Variants in SMPD3 observed in about 807,000 individuals in gnomAD.
SMPD3 encodes the protein nSMase-2.
SMPD3 carries 21 observed loss-of-function variants against 55.7 expected under a neutral mutation model. The observed-to-expected ratio is 0.38, with a 90% CI of 0.27 to 0.54. SMPD3 has a LOEUF of 0.54. SMPD3 is among the 20% of genes least tolerant of loss of function. The probability of loss-of-function intolerance (pLI) is 0.80; values close to 1 mark genes in which losing one functional copy is unlikely to be tolerated. For missense variants in SMPD3, 842 were observed against 899.6 expected, an observed-to-expected ratio of 0.94 and a Z score of 0.82; for synonymous variants, 457 against 404.3, an observed-to-expected ratio of 1.13 and a Z score of -1.56.
intron 1 of SMPD3, among the ~76,000 whole-genome samples, chr16:68,408,128 A>G (rs1352766818): frequency 6.6e-6 from 1 of 152,248 alleles, no homozygotes; most frequent in Non-Finnish European, 1.5e-5. Flanking sequence ...AAAGGGAAAC[A>G]TAATTAATTA....
At chr16:68,362,100 T>G (rs2089305196) in intron 7 of SMPD3, among the ~76,000 whole-genome samples, 1 of 152,176 alleles carries the variant, frequency 6.6e-6, no homozygotes, top group South Asian at 2.1e-4. Flanking sequence ...GGGGCCTGTT[T>G]TGAGGAGCTT....
At position 68,370,909 on chromosome 16, in the gene SMPD3, T is replaced by G. The variant is rs747490746; in HGVS notation, c.1273A>C (p.Asn425His). ...IMDVAYHCYP[N>H]KCNDDALASK... Reference sequence around the variant, plus strand: ...GCCAGGGCATCGTCGTTACACTTGTTGGGGTAACAGTGATAGGCCACGTCC... The same window carrying G: ...GCCAGGGCATCGTCGTTACACTTGTGGGGGTAACAGTGATAGGCCACGTCC... Residue 425 changes from asparagine to histidine, a missense_variant, in exon 3 of 9, where the codon AAC (asparagine) becomes CAC (histidine). Physicochemically the swap from Asn to His is moderately conservative, Grantham distance 68 (BLOSUM62 1). This residue lies in a region of SMPD3 where 649 missense variants were observed against 643.6 expected (regional missense o/e 1.01). Coordinates refer to ENST00000219334, the MANE Select transcript of SMPD3 (RefSeq NM_018667.4). 2 of 1,614,086 alleles carry G rather than the reference T, an allele frequency of 1.2e-6. No homozygotes were observed. Among genetic ancestry groups the G allele is most frequent in the South Asian group, 2.2e-5 (2 of 91,074 alleles).
intron 3 of SMPD3, 87 bp from the exon 4 acceptor site, chr16:68,365,179 A>G: frequency 7.4e-7 from 1 of 1,358,300 alleles, no homozygotes; most frequent in Non-Finnish European, 1.0e-6. Context: ...CCCACCCATG[A>G]GGTCAGACCC....
chr16:68,408,662 G>A (rs529791698), intron 1 of SMPD3, among the ~76,000 whole-genome samples: 3 of 152,288 alleles, frequency 2.0e-5, no homozygotes, highest in Admixed American at 2.0e-4. Flanking sequence ...CCTGTCCTTA[G>A]GTAGAGGCTG....
chr16:68,391,428 C>T (rs936921660), intron 1 of SMPD3, among the ~76,000 whole-genome samples: 1 of 152,228 alleles, frequency 6.6e-6, no homozygotes, highest in Non-Finnish European at 1.5e-5. Context: ...AAAGACTGTG[C>T]ACTTCAGAGT....
chr16:68,422,740 C>T (rs1399365283), intron 1 of SMPD3, among the ~76,000 whole-genome samples: 7 of 152,126 alleles, frequency 4.6e-5, no homozygotes, highest in East Asian at 1.9e-4. Flanking sequence ...GAATAGTGGG[C>T]GAGTTTCTGC....
chr16:68,439,881 A>T (rs1264956200), intron 1 of SMPD3, among the ~76,000 whole-genome samples: 1 of 152,236 alleles, frequency 6.6e-6, no homozygotes, highest in African/African-American at 2.4e-5. Flanking sequence ...TCTCTTTTTA[A>T]AAGCAAAGCT....
intron 1 of SMPD3, among the ~76,000 whole-genome samples, chr16:68,444,926 A>G (rs568193907): frequency 2.4e-4 from 36 of 152,266 alleles, no homozygotes; most frequent in Non-Finnish European, 4.6e-4. Flanking sequence ...TGGATGCCAA[A>G]GTAAGAACAA....
chr16:68,390,710 C>T (rs1407859289), intron 1 of SMPD3, among the ~76,000 whole-genome samples: 1 of 152,144 alleles, frequency 6.6e-6, no homozygotes, highest in East Asian at 1.9e-4. Flanking sequence ...GAATGCAGCC[C>T]AGCACGTCTC....
intron 1 of SMPD3, among the ~76,000 whole-genome samples, chr16:68,400,794 G>C (rs2152011295): frequency 6.6e-6 from 1 of 152,338 alleles, no homozygotes; most frequent in South Asian, 2.1e-4. Flanking sequence ...CAATCACCCA[G>C]TGGGCAGGGC....
At chr16:68,439,000 T>C (rs2090546323) in intron 1 of SMPD3, among the ~76,000 whole-genome samples, 1 of 152,204 alleles carries the variant, frequency 6.6e-6, no homozygotes, top group African/African-American at 2.4e-5. Flanking sequence ...TGGTATTCTT[T>C]TACACATATG....
intron 1 of SMPD3, among the ~76,000 whole-genome samples, chr16:68,412,445 CCAAAACAT>C (rs1567804220): frequency 6.6e-6 from 1 of 152,144 alleles, no homozygotes; most frequent in Non-Finnish European, 1.5e-5. Flanking sequence ...CACCTATCTC[CCAAAACAT>C]AGCTGGTGAA....
At chr16:68,424,663 T>G (rs1241503344) in intron 1 of SMPD3, among the ~76,000 whole-genome samples, 3 of 152,198 alleles carry the variant, frequency 2.0e-5, no homozygotes, top group African/African-American at 4.8e-5. Context: ...GATGACTCTA[T>G]TCTCTTGCAA....
chr16:68,362,613 T>A (rs1110571), intron 7 of SMPD3, among the ~76,000 whole-genome samples: 92,798 of 152,148 alleles, frequency 0.61, 28,603 homozygotes, highest in East Asian at 0.79. Flanking sequence ...CCGCCAGGTC[T>A]GTGAGTGCCT....
At chr16:68,376,642 C>T (rs2089822543) in intron 2 of SMPD3, among the ~76,000 whole-genome samples, 1 of 152,222 alleles carries the variant, frequency 6.6e-6, no homozygotes, top group South Asian at 2.1e-4. Flanking sequence ...CAACACCATG[C>T]TCTCCAGACC....
At chr16:68,408,650 C>T (rs532697432) in intron 1 of SMPD3, among the ~76,000 whole-genome samples, 1 of 152,180 alleles carries the variant, frequency 6.6e-6, no homozygotes, top group Non-Finnish European at 1.5e-5. Context: ...GGCAGTGTCT[C>T]GCCTGTCCTT....
chr16:68,370,060 G>A (rs2089607387), intron 3 of SMPD3: 1 of 152,270 alleles, frequency 6.6e-6, no homozygotes, highest in South Asian at 2.1e-4. Context: ...CTGGCCAAAT[G>A]ACACTTCAGA....
chr16:68,402,276 G>A (rs557525356), intron 1 of SMPD3, among the ~76,000 whole-genome samples: 28 of 152,302 alleles, frequency 1.8e-4, no homozygotes, highest in African/African-American at 6.7e-4. Context: ...ATAAAATGGG[G>A]AAGGTATGTG....
At chr16:68,380,985 C>T (rs1246895260) in intron 2 of SMPD3, among the ~76,000 whole-genome samples, 3 of 152,200 alleles carry the variant, frequency 2.0e-5, no homozygotes, top group Non-Finnish European at 1.5e-5. Flanking sequence ...TAACATTCTT[C>T]GGAAGGGAAT....
Sources: gnomAD v4.1 joint callset for allele counts (sites outside exome capture counted in the v4.1 genomes callset) on GRCh38, gnomAD v4.1.1 for gene constraint, gnomAD v4.1.1 regional missense constraint, MANE v1.5 for transcripts, NCBI Gene and HGNC (gene_info 2026-07-23, HGNC 2026-07-21) for gene names.